Variants in KLHL22 observed in about 807,000 individuals in gnomAD.
KLHL22 encodes the protein kelch like family member 22, also known as kelch-like protein 22.
KLHL22 carries 18 observed loss-of-function variants against 60.7 expected under a neutral mutation model. The observed-to-expected ratio is 0.30, with a 90% confidence interval of 0.20 to 0.44. The LOEUF is 0.44. Ranked by LOEUF, KLHL22 falls within the 20% of genes least tolerant of loss-of-function variation. The probability of loss-of-function intolerance (pLI) is 1.00; values close to 1 mark genes in which losing one functional copy is unlikely to be tolerated. For synonymous variants in KLHL22, 355 were observed against 354.5 expected (o/e 1.00, Z -0.01); for missense variants, 596 against 852.3 (o/e 0.70, Z 3.74).
chr22:20,445,199 C>A (rs1045231463), intron 6 of KLHL22, among the ~76,000 whole-genome samples: 1 of 150,414 alleles, frequency 6.6e-6, no homozygotes, highest in African/African-American at 2.4e-5. Flanking sequence ...CTTTTCCTCA[C>A]CCTTCTCTAT....
At chr22:20,484,052 A>G in intron 2 of KLHL22, 1 of 942,618 alleles carries the variant, frequency 1.1e-6, no homozygotes, top group Non-Finnish European at 1.7e-6. Flanking sequence ...GAGCCTGGAC[A>G]GAGCCCAGGG....
intron 2 of KLHL22, among the ~76,000 whole-genome samples, chr22:20,480,623 G>A (rs1269887321): frequency 6.6e-6 from 1 of 152,080 alleles, no homozygotes; most frequent in East Asian, 1.9e-4. Flanking sequence ...TTAGAATTCA[G>A]AAGGTTCCAA....
chr22:20,448,028 C>A (rs752129052), intron 5 of KLHL22, among the ~76,000 whole-genome samples: 13 of 152,110 alleles, frequency 8.5e-5, no homozygotes, highest in Non-Finnish European at 1.9e-4. Flanking sequence ...CACCAGGATC[C>A]CGAGGGGCTG....
At chr22:20,454,510 A>G (rs908866247) in intron 5 of KLHL22, among the ~76,000 whole-genome samples, 1 of 152,168 alleles carries the variant, frequency 6.6e-6, no homozygotes, top group Non-Finnish European at 1.5e-5. Flanking sequence ...GGAGCTGCAT[A>G]AGCTTTCTTT....
rs1035678432 is a variant in KLHL22, at chr22:20,465,874, G to C, written c.394-298C>G. 6.6e-6 allele frequency among the ~76,000 whole-genome samples: 1 copy of C among 152,024 alleles called. No individual in the cohort carries two copies. The highest frequency in any genetic ancestry group is 1.9e-4 in the East Asian group (1 of 5,184). On this transcript the variant is annotated intron_variant, in intron 3 of 6. Coordinates refer to ENST00000328879, the MANE Select transcript of KLHL22 (RefSeq NM_032775.4). The surrounding 1 kb of genome is among the most constrained non-coding windows in gnomAD (Gnocchi z 4.9). ...CTTGTTGCCCAGAATGGAGTGCAGT[G>C]GCAGAATCTCGGCTCACTAACACCT...
chr22:20,442,062 G>A lies in KLHL22; in HGVS notation c.*11C>T. ...CAGCCTCCCTTCCCTCTGATGCCAG[G>A]CACAGGGAGCCTAGTCCTCACTGGA... On this transcript the variant is annotated 3_prime_UTR_variant, in exon 7 of 7. Coordinates refer to ENST00000328879, the MANE Select transcript of KLHL22 (RefSeq NM_032775.4). 1 of 1,491,962 alleles carries A rather than the reference G, an allele frequency of 6.7e-7. No homozygotes were observed. Among genetic ancestry groups the A allele is most frequent in the South Asian group, 1.4e-5 (1 of 71,972 alleles). The allele number at this position is 1,491,962 out of a possible 1,614,324, so 92.4% of individuals were successfully genotyped here.
intron 2 of KLHL22, among the ~76,000 whole-genome samples, chr22:20,476,405 ATTTTTTTTTTTTTTTT>A (rs57189584): frequency 7.2e-5 from 5 of 69,354 alleles, no homozygotes; most frequent in African/African-American, 3.2e-4. Context: ...ATTGACACAG[ATTTTTTTTTTTTTTTT>A]TTTTTTTTTT....
In KLHL22 at chr22:20,482,553, ATGTTT is replaced by A. The variant is rs1459983921; in HGVS notation, c.227+6427_227+6431del. Among the ~76,000 whole-genome samples, 5 of 150,862 alleles carry A rather than the reference ATGTTT, an allele frequency of 3.3e-5. 1 individual carries two copies. The highest frequency in any genetic ancestry group is 7.4e-5 in the Non-Finnish European group (5 of 67,712). On this transcript the variant is annotated intron_variant, in intron 2 of 6. Coordinates refer to ENST00000328879, the MANE Select transcript of KLHL22 (RefSeq NM_032775.4). The stretch of plus-strand genomic sequence containing the variant: ...GACTACAGGCATGCCTGGCTAATTT[ATGTTT>A]TGTTTTGTTTGTTTGTTTTTCTTTT...
intron 2 of KLHL22, among the ~76,000 whole-genome samples, chr22:20,484,912 AT>A (rs1218554617): frequency 2.6e-5 from 4 of 151,374 alleles, no homozygotes; most frequent in East Asian, 1.9e-4. Flanking sequence ...ATTAAAAAAA[AT>A]TTTTTTTTCT....
chr22:20,453,412 T>A (rs1430059775), intron 5 of KLHL22, among the ~76,000 whole-genome samples: 1 of 152,204 alleles, frequency 6.6e-6, no homozygotes, highest in Non-Finnish European at 1.5e-5. Context: ...ATATCTTTCC[T>A]CCACTCAATT....
intron 5 of KLHL22, chr22:20,450,070 G>T (rs1367099147): frequency 5.5e-6 from 4 of 723,174 alleles, no homozygotes; most frequent in Non-Finnish European, 1.0e-5. Context: ...GGGATCAGAA[G>T]CAGAGTTGCA....
intron 3 of KLHL22, among the ~76,000 whole-genome samples, chr22:20,470,520 T>A (rs549298303): frequency 6.6e-6 from 1 of 152,128 alleles, no homozygotes; most frequent in South Asian, 2.1e-4. Context: ...TAGTGGCACA[T>A]GCCTATAGGT....
At chr22:20,481,557 A>G (rs2053501655) in intron 2 of KLHL22, among the ~76,000 whole-genome samples, 1 of 152,144 alleles carries the variant, frequency 6.6e-6, no homozygotes, top group Admixed American at 6.5e-5. Context: ...CGGGCGACAG[A>G]GAGAGACTCC....
chr22:20,469,513 C>T (rs2053281504), intron 3 of KLHL22, among the ~76,000 whole-genome samples: 1 of 152,032 alleles, frequency 6.6e-6, no homozygotes, highest in South Asian at 2.1e-4. Context: ...TGAGGGTTCC[C>T]AAAGCAACAA....
intron 2 of KLHL22, chr22:20,484,029 G>A (rs2053547791): frequency 1.3e-6 from 1 of 784,094 alleles, no homozygotes; most frequent in Non-Finnish European, 2.2e-6. Context: ...GACCAGCCAG[G>A]CGCCATAGCT....
At chr22:20,467,143 C>T (rs371698516) in intron 3 of KLHL22, among the ~76,000 whole-genome samples, 1 of 152,332 alleles carries the variant, frequency 6.6e-6, no homozygotes, top group East Asian at 1.9e-4. Flanking sequence ...TTGAAAATGA[C>T]GAGTACCTTG....
chr22:20,480,808 T>C (rs1026543654), intron 2 of KLHL22, among the ~76,000 whole-genome samples: 1 of 151,836 alleles, frequency 6.6e-6, no homozygotes, highest in African/African-American at 2.4e-5. Context: ...GTTCCGTGGC[T>C]TAATGAGTTT....
At chr22:20,483,776 G>C in intron 2 of KLHL22, 1 of 739,532 alleles carries the variant, frequency 1.4e-6, no homozygotes, top group South Asian at 1.3e-5. Context: ...TCTGGATTTT[G>C]CTCTCCAGCT....
chr22:20,451,686 T>C, intron 5 of KLHL22: 2 of 1,602,306 alleles, frequency 1.2e-6, no homozygotes, highest in East Asian at 4.5e-5. Flanking sequence ...GGAGACTCTA[T>C]GCAATTGCAG....
Sources: allele counts gnomAD v4.1 joint callset (sites outside exome capture counted in the v4.1 genomes callset), GRCh38; gene constraint gnomAD v4.1.1; non-coding constraint Gnocchi (gnomAD v3.1); transcripts MANE v1.5; gene names NCBI Gene and HGNC (gene_info 2026-07-23, HGNC 2026-07-21).